The following WWOX variants were observed in gnomAD, a reference collection of about 807,000 sequenced individuals.
WWOX encodes WW domain-containing oxidoreductase.
WWOX carries 69 observed loss-of-function variants against 46.2 expected under a neutral mutation model. That is an observed-to-expected ratio of 1.49 (90% CI 1.23 to 1.82). WWOX has a LOEUF of 1.82. Ranked by LOEUF, WWOX falls within the 40% of genes most tolerant of loss-of-function variation. WWOX has a pLI of 0.00. For synonymous variants in WWOX, 359 were observed against 202.6 expected, an observed-to-expected ratio of 1.77 and a Z score of -6.56; for missense variants, 919 against 542.6, an observed-to-expected ratio of 1.69 and a Z score of -6.89.
intron 7 of WWOX, 98 bp from the exon 8 acceptor site, chr16:78,432,390 G>C: frequency 2.7e-6 from 4 of 1,506,130 alleles, no homozygotes; most frequent in Admixed American, 1.7e-5. Context: ...ACAGATGTGA[G>C]CCACTGCACC....
chr16:79,191,032 A>G (rs1597460951), intron 8 of WWOX, among the ~76,000 whole-genome samples: 1 of 152,164 alleles, frequency 6.6e-6, no homozygotes, highest in East Asian at 1.9e-4. Flanking sequence ...GCAAAGCATG[A>G]CTTCTTTTTT....
intron 5 of WWOX, among the ~76,000 whole-genome samples, chr16:78,251,977 G>A (rs1048679699): frequency 2.0e-5 from 3 of 152,208 alleles, no homozygotes; most frequent in Non-Finnish European, 4.4e-5. Context: ...CAACAGGGAA[G>A]ATTAGAATGA....
chr16:78,195,484 C>T (rs1416143770), intron 5 of WWOX, among the ~76,000 whole-genome samples: 1 of 151,838 alleles, frequency 6.6e-6, no homozygotes, highest in Non-Finnish European at 1.5e-5. Context: ...CAGAAATTTC[C>T]ACATGTTAAG....
At chr16:78,218,264 T>C (rs1209077466) in intron 5 of WWOX, among the ~76,000 whole-genome samples, 1 of 152,102 alleles carries the variant, frequency 6.6e-6, no homozygotes, top group Non-Finnish European at 1.5e-5. Context: ...TTTATATATA[T>C]ATATTTGTAG....
intron 5 of WWOX, among the ~76,000 whole-genome samples, chr16:78,193,816 T>G (rs1384635821): frequency 6.9e-6 from 1 of 145,834 alleles, no homozygotes; most frequent in Non-Finnish European, 1.5e-5. Flanking sequence ...AATTTAATTT[T>G]TATTTATTAT....
At chr16:78,385,978 T>C (rs1474583598) in intron 5 of WWOX, among the ~76,000 whole-genome samples, 2 of 152,318 alleles carry the variant, frequency 1.3e-5, no homozygotes, top group African/African-American at 4.8e-5. Context: ...AGATTTGTCC[T>C]TGCAGAATGA....
chr16:78,388,064 G>T (rs1374501502), intron 6 of WWOX, among the ~76,000 whole-genome samples: 1 of 152,136 alleles, frequency 6.6e-6, no homozygotes, highest in African/African-American at 2.4e-5. Flanking sequence ...TCCTTGCATG[G>T]CTGTGTCACC....
intron 8 of WWOX, among the ~76,000 whole-genome samples, chr16:78,800,976 C>T (rs751574579): frequency 1.3e-4 from 19 of 151,758 alleles, no homozygotes; most frequent in Non-Finnish European, 2.4e-4. Context: ...AGCATAAATG[C>T]AAACTATCAC....
At chr16:78,306,604 AC>A (rs917451145) in intron 5 of WWOX, among the ~76,000 whole-genome samples, 3 of 152,116 alleles carry the variant, frequency 2.0e-5, no homozygotes, top group Admixed American at 2.0e-4. Flanking sequence ...AAGAGTTGAG[AC>A]ATTGCCTTCC....
At chr16:78,751,421 A>G (rs911545463) in intron 8 of WWOX, among the ~76,000 whole-genome samples, 9 of 146,446 alleles carry the variant, frequency 6.1e-5, no homozygotes, top group African/African-American at 2.2e-4. Flanking sequence ...CAGATTATAT[A>G]TATATATATT....
chr16:78,950,380 G>C (rs2046034389), intron 8 of WWOX, among the ~76,000 whole-genome samples: 1 of 152,098 alleles, frequency 6.6e-6, no homozygotes, highest in South Asian at 2.1e-4. Context: ...AAGCATGGTG[G>C]CATGCCATTG....
rs187475643 is a variant in WWOX at position 79,139,746 on chromosome 16, A to C, written c.1057-71862A>C. ...TTCACCAGAATGATTTATATGCATC[A>C]TGGGCAGAGGGGCAGTCCAATAAAA... On this transcript the variant is annotated intron_variant, in intron 8 of 8. Coordinates refer to ENST00000566780, the MANE Select transcript of WWOX (RefSeq NM_016373.4). Among the ~76,000 whole-genome samples, 157 of 152,312 alleles carry C rather than the reference A, an allele frequency of 1.0e-3. 1 individual carries two copies. Among genetic ancestry groups the C allele is most frequent in the African/African-American group, 3.6e-3 (148 of 41,564 alleles).
chr16:78,675,423 TTAATC>T lies in WWOX; in HGVS notation c.1056+242676_1056+242680del, dbSNP rs2047572286. ...CTGCAGACTAAAGTACTTTAAATAT[TTAATC>T]TAATTTATTGGTTATTTATTTAACA... On this transcript the variant is annotated intron_variant, in intron 8 of 8. Transcript: ENST00000566780. Among the ~76,000 whole-genome samples, 3 of 152,222 alleles carry T rather than the reference TTAATC, an allele frequency of 2.0e-5. No individual in the cohort carries two copies. The South Asian group carries it at 6.2e-4, about 32-fold the overall frequency.
chr16:79,079,959 T>A (rs111388975), intron 8 of WWOX, among the ~76,000 whole-genome samples: 1 of 151,406 alleles, frequency 6.6e-6, no homozygotes, highest in African/African-American at 2.4e-5. Context: ...CTGATTAAGA[T>A]TTCAGATTTT....
chr16:79,104,520 C>G (rs775648279), intron 8 of WWOX, among the ~76,000 whole-genome samples: 2 of 151,984 alleles, frequency 1.3e-5, no homozygotes, highest in Non-Finnish European at 2.9e-5. Flanking sequence ...CAGTAATTTC[C>G]GAGAAATATT....
intron 8 of WWOX, among the ~76,000 whole-genome samples, chr16:78,884,381 A>G (rs746599164): frequency 2.0e-5 from 3 of 151,952 alleles, no homozygotes; most frequent in Admixed American, 6.6e-5. Context: ...TAGCAGCATT[A>G]TTCATTATAA....
intron 8 of WWOX, among the ~76,000 whole-genome samples, chr16:78,479,004 G>A (rs16947657): frequency 6.6e-6 from 1 of 152,034 alleles, no homozygotes; most frequent in Non-Finnish European, 1.5e-5. Context: ...GATCAACAAG[G>A]CATATTGCCA....
chr16:78,666,039 C>G (rs1290345868), intron 8 of WWOX, among the ~76,000 whole-genome samples: 1 of 151,952 alleles, frequency 6.6e-6, no homozygotes, highest in Non-Finnish European at 1.5e-5. Context: ...AATCCCAACA[C>G]TCTGGGAGGC....
chr16:78,412,506 A>G (rs1429596170), intron 6 of WWOX, among the ~76,000 whole-genome samples: 1 of 152,080 alleles, frequency 6.6e-6, no homozygotes, highest in Non-Finnish European at 1.5e-5. Context: ...TTAGAGATGG[A>G]ATGAAAAGAG....
Sources: allele counts gnomAD v4.1 joint callset (sites outside exome capture counted in the v4.1 genomes callset), GRCh38; gene constraint gnomAD v4.1.1; transcripts MANE v1.5; gene names NCBI Gene and HGNC (gene_info 2026-07-23, HGNC 2026-07-21).